The following BAIAP2L1 variants were observed in gnomAD, a reference collection of about 807,000 sequenced individuals.
BAIAP2L1 encodes BAR/IMD domain containing adaptor protein 2 like 1.
BAIAP2L1 carries 35 observed loss-of-function variants against 66.3 expected under a neutral mutation model. The observed-to-expected ratio is 0.53, with a 90% CI of 0.40 to 0.70. The LOEUF is 0.70. BAIAP2L1 is among the 30% of genes least tolerant of loss of function. The pLI is 0.00. For missense variants in BAIAP2L1, 622 were observed against 656.9 expected (o/e 0.95, Z 0.58); for synonymous variants, 269 against 248.7 (o/e 1.08, Z -0.77).
intron 1 of BAIAP2L1, among the ~76,000 whole-genome samples, chr7:98,375,899 G>T (rs904310311): frequency 6.6e-6 from 1 of 152,048 alleles, no homozygotes; most frequent in Non-Finnish European, 1.5e-5. Flanking sequence ...TTCTCCCCTG[G>T]GGGAGCCACT....
rs760822063 is a variant in BAIAP2L1 at position 98,294,108 on chromosome 7, C to T, written c.1426G>A (p.Asp476Asn). 1.9e-5 allele frequency: 30 copies of T among 1,613,894 alleles called. No individual in the cohort carries two copies. The highest frequency in any genetic ancestry group is 6.7e-5 in the East Asian group (3 of 44,888). ...GGCGGCTTTGCAGTCCCGTTGGCAT[C>T]GTTCTGTGAGAAAGATAAAGAAGTT... ...ASKPETAAPN[D>N]ANGTAKPPFL... Residue 476 changes from aspartate (D) to asparagine (N), a missense_variant, in exon 13 of 14, where the codon GAT becomes AAT. Physicochemically the swap from Asp to Asn is conservative, Grantham distance 23. Coordinates refer to ENST00000005260, the MANE Select transcript of BAIAP2L1 (RefSeq NM_018842.5).
chr7:98,293,407 A>ATTAAT lies in BAIAP2L1; in HGVS notation c.*113_*114insATTAA. On this transcript the variant is annotated 3_prime_UTR_variant, in exon 14 of 14. Transcript: ENST00000005260. ...ATGATTTGCTTAAGCAGGCGACATT[A>ATTAAT]GAGTTAGGCCTCTCCACTGAAGCTT... 1.1e-6 allele frequency: 1 copy of ATTAAT among 938,258 alleles called. No individual in the cohort carries two copies. Among genetic ancestry groups the ATTAAT allele is most frequent in the Non-Finnish European group, 1.7e-6 (1 of 599,898 alleles). The allele number at this position is 938,258 out of a possible 1,614,324, so 58.1% of individuals were successfully genotyped here. A position where few individuals can be genotyped will look rare whatever the true frequency, so the allele number is the denominator to read the frequency against.
chr7:98,343,565 G>A (rs1238197079), intron 3 of BAIAP2L1, among the ~76,000 whole-genome samples: 1 of 152,184 alleles, frequency 6.6e-6, no homozygotes, highest in Non-Finnish European at 1.5e-5. Flanking sequence ...CCAACAAGAC[G>A]AAGAGGTTAG....
chr7:98,380,010 TAAC>T (rs1323057574), intron 1 of BAIAP2L1, among the ~76,000 whole-genome samples: 2 of 152,044 alleles, frequency 1.3e-5, no homozygotes, highest in East Asian at 1.9e-4. Context: ...ATAAATTTAC[TAAC>T]AACCATTAAA....
chr7:98,315,977 C>T (rs1184391299), intron 6 of BAIAP2L1, among the ~76,000 whole-genome samples: 1 of 152,180 alleles, frequency 6.6e-6, no homozygotes, highest in African/African-American at 2.4e-5. Flanking sequence ...AGGTGATATG[C>T]TTTGGCTGTG....
chr7:98,315,614 TAAAAAA>T lies in BAIAP2L1; in HGVS notation c.487-8_487-3del, dbSNP rs80039560. Reference sequence around the variant, plus strand: ...ACGAGAAGTAACGGTCTCCACATACTAAAAAAAAAAAAATAATAATAATAATAATTA... The same window carrying T: ...ACGAGAAGTAACGGTCTCCACATACTAAAAAAATAATAATAATAATAATTA... On this transcript the variant is annotated splice_polypyrimidine_tract_variant and splice_region_variant and intron_variant, in intron 6 of 13. Coordinates refer to ENST00000005260, the MANE Select transcript of BAIAP2L1 (RefSeq NM_018842.5). 0.015 allele frequency: 11,348 copies of T among 770,870 alleles called. 1,157 individuals carry two copies. The highest frequency in any genetic ancestry group is 0.026 in the Admixed American group (596 of 22,796). The allele number at this position is 770,870 out of a possible 1,614,324, so 47.8% of individuals were successfully genotyped here.
chr7:98,353,775 C>A lies in BAIAP2L1; in HGVS notation c.214+1267G>T, dbSNP rs191808775. On this transcript the variant is annotated intron_variant, in intron 3 of 13. Transcript: ENST00000005260. The stretch of plus-strand genomic sequence containing the variant: ...AGGAGTTCGAGATCAGCCTGGCCAA[C>A]ATGGCGAAACCCCGTCTCTACTAAA... Among the ~76,000 whole-genome samples the A allele has an allele frequency of 1.2e-3, 178 of 148,928 alleles. 3 individuals are homozygous for A. The highest frequency in any genetic ancestry group is 0.011 in the Admixed American group (164 of 14,586).
intron 3 of BAIAP2L1, among the ~76,000 whole-genome samples, chr7:98,339,278 G>T (rs1801684011): frequency 6.6e-6 from 1 of 152,078 alleles, no homozygotes; most frequent in African/African-American, 2.4e-5. Flanking sequence ...GCCAACACTT[G>T]TTATTGTCTG....
chr7:98,299,273 C>T (rs934121217), intron 12 of BAIAP2L1, among the ~76,000 whole-genome samples: 30 of 152,150 alleles, frequency 2.0e-4, no homozygotes, highest in Non-Finnish European at 1.0e-4. Context: ...CCTGCCTCGG[C>T]CTCCCAAGGT....
chr7:98,397,659 G>T (rs1487098986), intron 1 of BAIAP2L1, among the ~76,000 whole-genome samples: 1 of 152,022 alleles, frequency 6.6e-6, no homozygotes, highest in Non-Finnish European at 1.5e-5. Context: ...TTCTAGGAAG[G>T]CTGTGGCTGC....
intron 1 of BAIAP2L1, chr7:98,386,080 T>C: frequency 6.4e-7 from 1 of 1,569,538 alleles, no homozygotes. Flanking sequence ...GGTCATGATT[T>C]CGATCATCTT....
At chr7:98,343,123 C>T (rs982369826) in intron 3 of BAIAP2L1, among the ~76,000 whole-genome samples, 7 of 151,820 alleles carry the variant, frequency 4.6e-5, no homozygotes, top group Non-Finnish European at 8.8e-5. Flanking sequence ...AGCGGCCAGG[C>T]GCAGTAGCTC....
intron 3 of BAIAP2L1, chr7:98,323,454 T>C (rs1045460703): frequency 2.6e-5 from 4 of 152,336 alleles, no homozygotes; most frequent in African/African-American, 9.6e-5. Flanking sequence ...ATTCGGTGAT[T>C]TGAGCTAGAG....
At chr7:98,340,357 G>T (rs762356654) in intron 3 of BAIAP2L1, among the ~76,000 whole-genome samples, 8 of 151,982 alleles carry the variant, frequency 5.3e-5, no homozygotes, top group African/African-American at 1.9e-4. Context: ...GCCCAATCTC[G>T]GCTCACTGCA....
At chr7:98,338,568 C>T (rs1299639306) in intron 3 of BAIAP2L1, among the ~76,000 whole-genome samples, 1 of 152,134 alleles carries the variant, frequency 6.6e-6, no homozygotes, top group Non-Finnish European at 1.5e-5. Context: ...TTCATATAAA[C>T]AAAATCATAC....
At chr7:98,373,531 C>A (rs994812373) in intron 1 of BAIAP2L1, among the ~76,000 whole-genome samples, 2 of 152,112 alleles carry the variant, frequency 1.3e-5, no homozygotes, top group African/African-American at 4.8e-5. Flanking sequence ...GCCTTGAATT[C>A]TTGGGCAAAT....
intron 3 of BAIAP2L1, among the ~76,000 whole-genome samples, chr7:98,354,765 C>T (rs2240348): frequency 0.25 from 38,181 of 152,058 alleles, 5,051 homozygotes; most frequent in East Asian, 0.45. Context: ...GTCAAACTCC[C>T]AGCGGGAAGG....
chr7:98,340,790 C>A (rs1002559364), intron 3 of BAIAP2L1, among the ~76,000 whole-genome samples: 2 of 134,152 alleles, frequency 1.5e-5, no homozygotes, highest in African/African-American at 5.2e-5. Flanking sequence ...CATGCTCTTA[C>A]AGGTTTTTTT....
At chr7:98,398,777 G>A (rs1331526114) in intron 1 of BAIAP2L1, among the ~76,000 whole-genome samples, 1 of 152,144 alleles carries the variant, frequency 6.6e-6, no homozygotes, top group African/African-American at 2.4e-5. Flanking sequence ...AAAAGTCTAC[G>A]TCAGGAAGAA....
Sources: allele counts gnomAD v4.1 joint callset (sites outside exome capture counted in the v4.1 genomes callset), GRCh38; gene constraint gnomAD v4.1.1; transcripts MANE v1.5; gene names NCBI Gene and HGNC (gene_info 2026-07-23, HGNC 2026-07-21).